Variants in SH2D4A observed in about 807,000 individuals in gnomAD.
The protein encoded by SH2D4A is SH2 domain containing 4A, also known as SH2 domain-containing protein 4A.
In SH2D4A, 70 loss-of-function variants were observed where a neutral mutation model predicts 64.7. The ratio of observed to expected loss-of-function variants is 1.08; its 90% CI spans 0.89 to 1.32. The LOEUF (loss-of-function observed/expected upper bound fraction) is 1.32. SH2D4A is among the 40% of genes most tolerant of loss of function. The pLI is 0.00. For missense variants in SH2D4A, 706 were observed against 540.1 expected, an observed-to-expected ratio of 1.31 and a Z score of -3.04; for synonymous variants, 268 against 200.7, an observed-to-expected ratio of 1.34 and a Z score of -2.83.
intron 4 of SH2D4A, among the ~76,000 whole-genome samples, chr8:19,354,052 A>T (rs1272824998): frequency 6.8e-6 from 1 of 148,114 alleles, no homozygotes. Flanking sequence ...GTTCAGTGGC[A>T]CAATCTTAGC....
At chr8:19,360,672 C>T (rs921397091) in intron 5 of SH2D4A, 5 of 151,872 alleles carry the variant, frequency 3.3e-5, no homozygotes, top group African/African-American at 1.2e-4. Context: ...TAGTAAGTAC[C>T]ACATTTTGGG....
Position 19,313,807 on chromosome 8 carries a change from AG to A in SH2D4A, c.-217del, listed in dbSNP as rs35051474. 6.6e-7 allele frequency: 1 copy of A among 1,506,636 alleles called. No individual in the cohort carries two copies. The highest frequency in any genetic ancestry group is 2.7e-5 in the East Asian group (1 of 36,678). The allele number at this position is 1,506,636 out of a possible 1,614,324, so 93.3% of individuals were successfully genotyped here. A position where few individuals can be genotyped will look rare whatever the true frequency, so the allele number is the denominator to read the frequency against. On this transcript the variant is annotated 5_prime_UTR_variant, in exon 1 of 10. It introduces an in-frame stop codon into an upstream open reading frame of the 5' UTR. Coordinates refer to ENST00000265807, the MANE Select transcript of SH2D4A (RefSeq NM_022071.4). The stretch of plus-strand genomic sequence containing the variant: ...GGCGGGTGATCGAGCCACCCTGCCC[AG>A]GGGCGCCCAGCACTGGTAGGTGCTG...
At position 19,313,814 on chromosome 8, in the gene SH2D4A, C is replaced by T. The variant is rs1481652237; in HGVS notation, c.-214C>T. ...GATCGAGCCACCCTGCCCAGGGGCGCCCAGCACTGGTAGGTGCTGGGGGTG... is the reference window on the plus strand; with the variant it reads ...GATCGAGCCACCCTGCCCAGGGGCGTCCAGCACTGGTAGGTGCTGGGGGTG... On this transcript the variant is annotated 5_prime_UTR_variant, in exon 1 of 10. Coordinates refer to ENST00000265807, the MANE Select transcript of SH2D4A (RefSeq NM_022071.4). The T allele has an allele frequency of 4.0e-6, 6 of 1,504,706 alleles. No individual in the cohort carries two copies. Among genetic ancestry groups the T allele is most frequent in the African/African-American group, 1.4e-5 (1 of 69,562 alleles). The allele number at this position is 1,504,706 out of a possible 1,614,324, so 93.2% of individuals were successfully genotyped here.
intron 3 of SH2D4A, among the ~76,000 whole-genome samples, chr8:19,334,407 T>G (rs1329957540): frequency 6.6e-6 from 1 of 152,164 alleles, no homozygotes; most frequent in Non-Finnish European, 1.5e-5. Flanking sequence ...CAGACCAGGG[T>G]TCAGATCTTG....
chr8:19,343,020 C>T (rs1462703460), intron 4 of SH2D4A, among the ~76,000 whole-genome samples: 2 of 152,146 alleles, frequency 1.3e-5, no homozygotes, highest in South Asian at 4.2e-4. Flanking sequence ...TTAGAGCAGC[C>T]TCTCTGCCCT....
chr8:19,325,103 C>T (rs1439064670), intron 2 of SH2D4A, among the ~76,000 whole-genome samples: 3 of 152,078 alleles, frequency 2.0e-5, no homozygotes, highest in Non-Finnish European at 4.4e-5. Context: ...GCTGGTCCTG[C>T]CTTTTACTCT....
At chr8:19,382,205 CT>C (rs1433965227) in intron 8 of SH2D4A, among the ~76,000 whole-genome samples, 10 of 152,260 alleles carry the variant, frequency 6.6e-5, no homozygotes, top group African/African-American at 2.4e-4. Context: ...ACTTCCTTAG[CT>C]TTTGTTTACC....
intron 2 of SH2D4A, among the ~76,000 whole-genome samples, chr8:19,330,526 T>C (rs993989845): frequency 1.6e-4 from 24 of 152,240 alleles, no homozygotes; most frequent in Non-Finnish European, 1.9e-4. Flanking sequence ...TCTCCTTTGC[T>C]CTCTTCTCTG....
intron 5 of SH2D4A, 23 bp from the exon 6 acceptor site, chr8:19,361,170 GTTTTTGTTTT>G (rs777909944): frequency 3.3e-5 from 44 of 1,342,896 alleles, no homozygotes; most frequent in Non-Finnish European, 4.3e-5. Context: ...GTTTTGTTTT[GTTTTTGTTTT>G]TTTTTGTTTT....
chr8:19,320,475 T>C (rs1388114104), intron 2 of SH2D4A, among the ~76,000 whole-genome samples: 4 of 151,712 alleles, frequency 2.6e-5, no homozygotes, highest in East Asian at 1.9e-4. Flanking sequence ...AAATAAAAAA[T>C]TAGCTGGGCA....
intron 4 of SH2D4A, among the ~76,000 whole-genome samples, chr8:19,355,090 G>A (rs1051153262): frequency 6.6e-6 from 1 of 152,176 alleles, no homozygotes; most frequent in Non-Finnish European, 1.5e-5. Flanking sequence ...GAAACCTACA[G>A]GATTCATTAG....
chr8:19,394,764 A>ATGCCACTGCAACATTTAT lies in SH2D4A; in HGVS notation c.*122_*123insTGCCACTGCAACATTTAT, dbSNP rs2053559493. The stretch of plus-strand genomic sequence containing the variant: ...GCAGAGCCAATACTGATCAACTGAA[A>ATGCCACTGCAACATTTAT]GTAAAGTATCCATGGAGTCCTCATT... On this transcript the variant is annotated 3_prime_UTR_variant, in exon 10 of 10. Coordinates refer to ENST00000265807, the MANE Select transcript of SH2D4A (RefSeq NM_022071.4). 2 of 167,220 alleles carry ATGCCACTGCAACATTTAT rather than the reference A, an allele frequency of 1.2e-5. No individual in the cohort carries two copies. Among genetic ancestry groups the ATGCCACTGCAACATTTAT allele is most frequent in the African/African-American group, 4.9e-5 (1 of 20,536 alleles). 10.4% of individuals were successfully genotyped at this position (167,220 alleles called of 1,614,324 possible). A position where few individuals can be genotyped will look rare whatever the true frequency, so the allele number is the denominator to read the frequency against.
intron 3 of SH2D4A, among the ~76,000 whole-genome samples, chr8:19,333,740 T>C (rs2052399212): frequency 6.6e-6 from 1 of 151,994 alleles, no homozygotes; most frequent in African/African-American, 2.4e-5. Context: ...AAACAGAAAG[T>C]TTACCAAGCA....
chr8:19,326,722 C>CA (rs1225410626), intron 2 of SH2D4A, among the ~76,000 whole-genome samples: 1 of 152,072 alleles, frequency 6.6e-6, no homozygotes. Context: ...CCCTCTCGCA[C>CA]ACACGTCTTT....
At chr8:19,337,168 C>G (rs1030587116) in intron 4 of SH2D4A, among the ~76,000 whole-genome samples, 2 of 152,012 alleles carry the variant, frequency 1.3e-5, no homozygotes, top group Non-Finnish European at 1.5e-5. Context: ...TTATCTTTCC[C>G]TGTGTCAGAG....
chr8:19,384,633 G>C (rs904775942), intron 8 of SH2D4A, among the ~76,000 whole-genome samples: 2 of 152,174 alleles, frequency 1.3e-5, no homozygotes, highest in African/African-American at 4.8e-5. Context: ...TTAACATCCT[G>C]CTGACTGAAG....
intron 8 of SH2D4A, among the ~76,000 whole-genome samples, chr8:19,384,852 T>A (rs960285129): frequency 2.0e-5 from 3 of 152,218 alleles, no homozygotes; most frequent in Admixed American, 6.5e-5. Flanking sequence ...TACAGCAGTT[T>A]ATTGCAGCTC....
At chr8:19,353,992 A>ATT (rs56334713) in intron 4 of SH2D4A, among the ~76,000 whole-genome samples, 2 of 133,628 alleles carry the variant, frequency 1.5e-5, no homozygotes, top group Non-Finnish European at 1.6e-5. Flanking sequence ...TTTTCAACTA[A>ATT]TTTTTTTTTT....
chr8:19,385,721 C>T (rs543497464), intron 8 of SH2D4A, among the ~76,000 whole-genome samples: 68 of 152,306 alleles, frequency 4.5e-4, no homozygotes, highest in Admixed American at 7.8e-4. Flanking sequence ...CCACCCCCAA[C>T]AGAGCATATG....
Sources: gnomAD v4.1 joint callset for allele counts (sites outside exome capture counted in the v4.1 genomes callset) on GRCh38, gnomAD v4.1.1 for gene constraint, MANE v1.5 for transcripts, NCBI Gene and HGNC (gene_info 2026-07-23, HGNC 2026-07-21) for gene names.